FBN1: variants seen among roughly 807,000 people sequenced by gnomAD.
FBN1 encodes fibrillin 1.
A neutral mutation model predicts 365.1 loss-of-function variants in FBN1; 29 were observed. The observed-to-expected ratio is 0.08, with a 90% CI of 0.06 to 0.11. The LOEUF (loss-of-function observed/expected upper bound fraction) is 0.11, where lower values mean the gene tolerates loss of function less well. Ranked by LOEUF, FBN1 falls within the 10% of genes least tolerant of loss-of-function variation. The pLI is 1.00. For missense variants in FBN1, 2,476 were observed against 3,703.2 expected, an observed-to-expected ratio of 0.67 and a Z score of 8.60; for synonymous variants, 1,210 against 1,270.5, an observed-to-expected ratio of 0.95 and a Z score of 1.01.
At chr15:48,491,611 G>C (rs1421064916) in intron 24 of FBN1, among the ~76,000 whole-genome samples, 3 of 152,082 alleles carry the variant, frequency 2.0e-5, no homozygotes, top group Non-Finnish European at 4.4e-5. Context: ...TCGGCCTCCC[G>C]AAGTGCTGGG....
At chr15:48,450,795 T>G (rs527760274) in intron 45 of FBN1, among the ~76,000 whole-genome samples, 1 of 152,124 alleles carries the variant, frequency 6.6e-6, no homozygotes, top group African/African-American at 2.4e-5. Flanking sequence ...AAGGATCTCA[T>G]GATGGAGAGA....
intron 6 of FBN1, among the ~76,000 whole-genome samples, chr15:48,565,100 C>T (rs768872209): frequency 2.0e-5 from 3 of 152,140 alleles, no homozygotes; most frequent in Non-Finnish European, 2.9e-5. Flanking sequence ...TCCCCACCCA[C>T]CATACCTTGG....
chr15:48,550,403 G>A (rs998243805), intron 6 of FBN1, among the ~76,000 whole-genome samples: 1 of 152,044 alleles, frequency 6.6e-6, no homozygotes, highest in Non-Finnish European at 1.5e-5. Context: ...AGGGCAGCGG[G>A]GATTACAGAG....
At position 48,434,779 on chromosome 15, in the gene FBN1, G is replaced by A. The variant is rs894131843; in HGVS notation, c.6497-66C>T. On this transcript the variant is annotated intron_variant, in intron 53 of 65. Coordinates refer to ENST00000316623, the MANE Select transcript of FBN1 (RefSeq NM_000138.5). ...AGATAATACCTTTTATTCTATCAGA[G>A]GATTTTAAACTGTAATTTTGTTGTT... 5 of 1,585,670 alleles carry A rather than the reference G, an allele frequency of 3.2e-6. No individual in the cohort carries two copies. The African/African-American group carries it at 5.4e-5, about 17-fold the overall frequency.
intron 32 of FBN1, 30 bp from the exon 33 acceptor site, chr15:48,474,680 G>A (rs552432764): frequency 1.9e-5 from 31 of 1,613,864 alleles, no homozygotes; most frequent in South Asian, 3.3e-5. Context: ...TTTAGAAAAA[G>A]GCTCAGCACA....
intron 2 of FBN1, among the ~76,000 whole-genome samples, chr15:48,638,017 GT>G (rs1453230411): frequency 1.3e-5 from 2 of 151,224 alleles, no homozygotes. Context: ...TTGGTCTTCA[GT>G]TTGTTGACCA....
At chr15:48,610,631 T>A in intron 4 of FBN1, 97 bp downstream of exon 4, 1 of 888,492 alleles carries the variant, frequency 1.1e-6, no homozygotes, top group East Asian at 2.7e-5. Flanking sequence ...AGTGAAAAAA[T>A]GTATTGCAGG....
At chr15:48,437,999 T>C in intron 50 of FBN1, 82 bp from the exon 51 acceptor site, 1 of 1,355,246 alleles carries the variant, frequency 7.4e-7, no homozygotes, top group South Asian at 1.2e-5. Context: ...AACAACCCAC[T>C]ATGTTATATA....
chr15:48,514,598 C>T (rs1483441099), intron 12 of FBN1, among the ~76,000 whole-genome samples: 1 of 152,188 alleles, frequency 6.6e-6, no homozygotes, highest in Admixed American at 6.5e-5. Flanking sequence ...TTCCTCCCTT[C>T]ACCAGCTTAA....
At chr15:48,516,835 G>C (rs766317627) in intron 10 of FBN1, among the ~76,000 whole-genome samples, 9 of 152,178 alleles carry the variant, frequency 5.9e-5, no homozygotes, top group Admixed American at 5.9e-4. Context: ...ACATTACTGC[G>C]GGGAGGCAAG....
intron 6 of FBN1, among the ~76,000 whole-genome samples, chr15:48,572,379 A>G (rs2044312801): frequency 6.6e-6 from 1 of 152,188 alleles, no homozygotes; most frequent in Non-Finnish European, 1.5e-5. Flanking sequence ...AGGAGGTCAG[A>G]AAAAGAAAAG....
intron 24 of FBN1, among the ~76,000 whole-genome samples, chr15:48,491,707 G>A (rs1164828030): frequency 6.6e-6 from 1 of 152,158 alleles, no homozygotes. Context: ...AAGTAATGTG[G>A]TTTCAGATGC....
At chr15:48,574,241 T>C (rs1183694491) in intron 6 of FBN1, among the ~76,000 whole-genome samples, 2 of 152,200 alleles carry the variant, frequency 1.3e-5, no homozygotes, top group Non-Finnish European at 2.9e-5. Context: ...ACCAGTGTGA[T>C]TATCCTGGAA....
chr15:48,429,493 T>C (rs1268104484), intron 56 of FBN1, among the ~76,000 whole-genome samples: 1 of 152,206 alleles, frequency 6.6e-6, no homozygotes, highest in Non-Finnish European at 1.5e-5. Context: ...CCTTTGAGAA[T>C]AGTTCAGGGT....
At chr15:48,550,693 T>A (rs2044134327) in intron 6 of FBN1, among the ~76,000 whole-genome samples, 1 of 152,100 alleles carries the variant, frequency 6.6e-6, no homozygotes, top group African/African-American at 2.4e-5. Context: ...CTGTTTCTCT[T>A]CCACACGTCT....
At chr15:48,474,769 GT>G in intron 32 of FBN1, 119 bp from the exon 33 acceptor site, 1 of 1,259,860 alleles carries the variant, frequency 7.9e-7, no homozygotes. Flanking sequence ...GTATAGACTG[GT>G]TTTGCATCCA....
intron 42 of FBN1, 54 bp from the exon 43 acceptor site, chr15:48,460,371 T>A (rs2043271931): frequency 9.2e-7 from 1 of 1,082,526 alleles, no homozygotes; most frequent in African/African-American, 1.5e-5. Flanking sequence ...CAAAGAACAA[T>A]AATTGGACTG....
At chr15:48,470,492 G>GA in intron 36 of FBN1, 142 bp downstream of exon 36, 1 of 1,143,938 alleles carries the variant, frequency 8.7e-7, no homozygotes, top group Non-Finnish European at 1.3e-6. Context: ...CCAGGTCTGA[G>GA]AAAAGGTATC....
At chr15:48,584,558 C>T (rs2044421369) in intron 6 of FBN1, among the ~76,000 whole-genome samples, 1 of 152,168 alleles carries the variant, frequency 6.6e-6, no homozygotes, top group South Asian at 2.1e-4. Flanking sequence ...ACAGGAAAGT[C>T]CTGGGTACAC....
Sources: gnomAD v4.1 joint callset for allele counts (sites outside exome capture counted in the v4.1 genomes callset) on GRCh38, gnomAD v4.1.1 for gene constraint, MANE v1.5 for transcripts, NCBI Gene and HGNC (gene_info 2026-07-23, HGNC 2026-07-21) for gene names.